Variants in ANKRD17 observed in about 807,000 individuals in gnomAD.
ANKRD17 encodes ankyrin repeat domain-containing protein 17.
ANKRD17 carries 19 observed loss-of-function variants against 229.7 expected under a neutral mutation model. The ratio of observed to expected loss-of-function variants is 0.08; its 90% CI spans 0.06 to 0.12. The LOEUF (loss-of-function observed/expected upper bound fraction) is 0.12. Among genes scored for constraint, ANKRD17 ranks in the 10% least tolerant of loss-of-function variants. The pLI is 1.00. For missense variants in ANKRD17, 2,176 were observed against 3,176.8 expected, an observed-to-expected ratio of 0.68 and a Z score of 7.57; for synonymous variants, 1,112 against 1,146.1, an observed-to-expected ratio of 0.97 and a Z score of 0.60.
rs538208487 is a variant in ANKRD17 at position 73,120,467 on chromosome 4, T to A, written c.3850-130A>T. 20 of 792,334 alleles carry A rather than the reference T, an allele frequency of 2.5e-5. No homozygotes were observed. The African/African-American group carries it at 3.2e-4, about 13-fold the overall frequency. 49.1% of individuals were successfully genotyped at this position (792,334 alleles called of 1,614,324 possible). A position where few individuals can be genotyped will look rare whatever the true frequency, so the allele number is the denominator to read the frequency against. ...AAGATTCACAACTAAATTTAATCAC[T>A]GACCCTTATTAGCTCCTTTGAGTTA... On this transcript the variant is annotated intron_variant, in intron 20 of 33. Coordinates refer to ENST00000358602, the MANE Select transcript of ANKRD17 (RefSeq NM_032217.5).
intron 1 of ANKRD17, among the ~76,000 whole-genome samples, chr4:73,179,518 A>ATATTTTTTTTTT (rs1192164276): frequency 4.9e-5 from 2 of 40,804 alleles, no homozygotes; most frequent in African/African-American, 9.2e-5. Context: ...ATATATATAT[A>ATATTTTTTTTTT]TTTTTTTTTT....
At chr4:73,182,949 A>G (rs2149025870) in intron 1 of ANKRD17, among the ~76,000 whole-genome samples, 1 of 152,306 alleles carries the variant, frequency 6.6e-6, no homozygotes, top group East Asian at 1.9e-4. Context: ...AGACATTGCT[A>G]AATGTTCCCT....
chr4:73,118,875 A>G (rs1450460592), intron 21 of ANKRD17, 25 bp from the exon 22 acceptor site: 2 of 1,028,026 alleles, frequency 1.9e-6, no homozygotes. Flanking sequence ...CACAGATAGC[A>G]TTGTCTTTTT....
At chr4:73,253,129 G>C (rs998878886) in intron 1 of ANKRD17, among the ~76,000 whole-genome samples, 4 of 152,308 alleles carry the variant, frequency 2.6e-5, no homozygotes, top group East Asian at 3.9e-4. Context: ...ATGTGACCCT[G>C]ATGAGGTTGC....
At chr4:73,257,098 A>G (rs1219049707) in intron 1 of ANKRD17, among the ~76,000 whole-genome samples, 3 of 152,242 alleles carry the variant, frequency 2.0e-5, no homozygotes, top group African/African-American at 4.8e-5. Flanking sequence ...TGGTACTTTT[A>G]GATGAATCAC....
intron 22 of ANKRD17, 95 bp from the exon 23 acceptor site, chr4:73,116,011 C>G: frequency 1.0e-6 from 1 of 987,798 alleles, no homozygotes; most frequent in Non-Finnish European, 1.6e-6. Flanking sequence ...ATTAGGGCCA[C>G]AAAGTAAAGA....
intron 1 of ANKRD17, among the ~76,000 whole-genome samples, chr4:73,222,478 T>C (rs1226074192): frequency 1.3e-5 from 2 of 152,166 alleles, no homozygotes; most frequent in African/African-American, 2.4e-5. Context: ...ACATGAAAAA[T>C]CTAGGACCAG....
chr4:73,237,073 T>C lies in ANKRD17; in HGVS notation c.393+21203A>G, dbSNP rs145035434. On this transcript the variant is annotated intron_variant, in intron 1 of 33. Coordinates refer to ENST00000358602, the MANE Select transcript of ANKRD17 (RefSeq NM_032217.5). Reference sequence around the variant, plus strand: ...TGCCTGTGGTTTAATGAAACTGGAATCTGGCCCTTCTTCCTACTTGCTCTC... The same window carrying C: ...TGCCTGTGGTTTAATGAAACTGGAACCTGGCCCTTCTTCCTACTTGCTCTC... Among the ~76,000 whole-genome samples, 668 of 152,318 alleles carry C rather than the reference T, an allele frequency of 4.4e-3. 5 individuals carry two copies. The highest frequency in any genetic ancestry group is 0.015 in the African/African-American group (643 of 41,570).
chr4:73,181,023 G>A (rs1246801085), intron 1 of ANKRD17, among the ~76,000 whole-genome samples: 6 of 152,146 alleles, frequency 3.9e-5, no homozygotes, highest in African/African-American at 1.4e-4. Flanking sequence ...GAATAAGTCA[G>A]AATCTGTAAA....
At chr4:73,218,389 A>G (rs1741381639) in intron 1 of ANKRD17, among the ~76,000 whole-genome samples, 1 of 152,126 alleles carries the variant, frequency 6.6e-6, no homozygotes, top group East Asian at 1.9e-4. Context: ...TCAAGCCATT[A>G]CTGAGCACTT....
rs1471892027 is a variant in ANKRD17, at chr4:73,091,589, G to C, written c.6039C>G (p.Val2013=). 6.2e-7 allele frequency: 1 copy of C among 1,614,084 alleles called. No homozygotes were observed. Among genetic ancestry groups the C allele is most frequent in the African/African-American group, 1.3e-5 (1 of 74,932 alleles). The change falls in exon 29 of 34, where the codon GTC becomes GTG. Residue 2013 remains valine, a synonymous_variant. Transcript: ENST00000358602. ...VKTSNATTTT[V]TTTASNNNTA... is the part of the protein sequence containing the mutation. ...TGTTGTTGTTGCTTGCCGTGGTTGT[G>C]ACTGTTGTTGTGGTGGCATTGGATG...
At chr4:73,176,478 T>C (rs1354916615) in intron 2 of ANKRD17, among the ~76,000 whole-genome samples, 1 of 152,022 alleles carries the variant, frequency 6.6e-6, no homozygotes, top group East Asian at 1.9e-4. Context: ...GAAATCAGTA[T>C]ATTGAAGAGG....
intron 2 of ANKRD17, among the ~76,000 whole-genome samples, chr4:73,162,471 C>T (rs1732658500): frequency 6.6e-6 from 1 of 152,016 alleles, no homozygotes; most frequent in African/African-American, 2.4e-5. Flanking sequence ...CTCCCAATTA[C>T]AGGTGTAAAC....
chr4:73,092,370 G>A (rs1225848710), intron 28 of ANKRD17, 70 bp from the exon 29 acceptor site: 2 of 1,231,164 alleles, frequency 1.6e-6, no homozygotes, highest in African/African-American at 1.5e-5. Flanking sequence ...TTTTTAATAT[G>A]TATTTATGTA....
rs947705863 is a variant in ANKRD17 at position 73,092,154 on chromosome 4, G to A, written c.5474C>T (p.Thr1825Ile). ...NSKIGSSAPT[T>I]TAANTSLMGI... ...CATTAAGGAAGTGTTAGCAGCAGTGGTGGTAGGTGCTGATGACCCTATTTT... is the reference window on the plus strand; with the variant it reads ...CATTAAGGAAGTGTTAGCAGCAGTGATGGTAGGTGCTGATGACCCTATTTT... The change falls in exon 29 of 34, where the codon ACC (threonine) becomes ATC (isoleucine). Residue 1825 changes from threonine to isoleucine, a missense_variant. By Grantham distance (89) the Thr-to-Ile change is moderately conservative (BLOSUM62 -1). Transcript: ENST00000358602. 4.3e-6 allele frequency: 7 copies of A among 1,614,064 alleles called. No individual in the cohort carries two copies. The highest frequency in any genetic ancestry group is 5.1e-6 in the Non-Finnish European group (6 of 1,180,048).
At chr4:73,141,967 C>A in intron 13 of ANKRD17, 124 bp from the exon 14 acceptor site, 1 of 881,648 alleles carries the variant, frequency 1.1e-6, no homozygotes, top group Non-Finnish European at 1.7e-6. Flanking sequence ...TAGACAATGA[C>A]ATATTTACTT....
At chr4:73,093,376 CTTTTTTTTTT>C (rs11368928) in intron 28 of ANKRD17, among the ~76,000 whole-genome samples, 2 of 112,838 alleles carry the variant, frequency 1.8e-5, no homozygotes, top group Non-Finnish European at 3.4e-5. Context: ...AACTCAAATT[CTTTTTTTTTT>C]TTTTTTTTTT....
intron 16 of ANKRD17, among the ~76,000 whole-genome samples, chr4:73,134,430 T>C (rs550318317): frequency 3.7e-4 from 57 of 152,340 alleles, no homozygotes; most frequent in Non-Finnish European, 8.2e-4. Context: ...AGCAGTCTTC[T>C]AAACTAGACC....
intron 1 of ANKRD17, among the ~76,000 whole-genome samples, chr4:73,197,665 A>G (rs1738072850): frequency 6.6e-6 from 1 of 152,104 alleles, no homozygotes; most frequent in Non-Finnish European, 1.5e-5. Flanking sequence ...ACCCATCTCT[A>G]TTAAAAAAAT....
Sources: gnomAD v4.1 joint callset for allele counts (sites outside exome capture counted in the v4.1 genomes callset) on GRCh38, gnomAD v4.1.1 for gene constraint, MANE v1.5 for transcripts, NCBI Gene and HGNC (gene_info 2026-07-23, HGNC 2026-07-21) for gene names.